Variants in CD274 observed in about 807,000 individuals in gnomAD.
The protein encoded by CD274 is programmed cell death 1 ligand 1.
CD274 carries 8 observed loss-of-function variants against 30.1 expected under a neutral mutation model. The observed-to-expected ratio is 0.27, with a 90% CI of 0.16 to 0.48. The LOEUF (loss-of-function observed/expected upper bound fraction) is 0.48, where lower values mean the gene tolerates loss of function less well. Ranked by LOEUF, CD274 falls within the 20% of genes least tolerant of loss-of-function variation. CD274 has a pLI of 0.99. For synonymous variants in CD274, 152 were observed against 124.6 expected (o/e 1.22, Z -1.46); for missense variants, 353 against 346.6 (o/e 1.02, Z -0.15).
chr9:5,465,070 G>A (rs1362471681), intron 4 of CD274, among the ~76,000 whole-genome samples: 3 of 139,418 alleles, frequency 2.2e-5, no homozygotes, highest in Admixed American at 7.7e-5. Flanking sequence ...CTGGGCAACA[G>A]AGAAAGACTC....
In CD274 at chr9:5,468,420, A is replaced by G. The variant is rs921600696; in HGVS notation, c.*558A>G. On this transcript the variant is annotated 3_prime_UTR_variant, in exon 7 of 7. Transcript: ENST00000381577. ...AGTAGATGTTACAATTTTGTCGCCAAACTAAACTTGCTGCTTAATGATTTG... is the reference window on the plus strand; with the variant it reads ...AGTAGATGTTACAATTTTGTCGCCAGACTAAACTTGCTGCTTAATGATTTG... 8.1e-5 allele frequency: 19 copies of G among 233,404 alleles called. No homozygotes were observed. The highest frequency in any genetic ancestry group is 1.3e-4 in the Non-Finnish European group (15 of 118,254). 14.5% of individuals were successfully genotyped at this position (233,404 alleles called of 1,614,324 possible).
At chr9:5,456,631 T>C (rs1411642705) in intron 2 of CD274, among the ~76,000 whole-genome samples, 1 of 152,194 alleles carries the variant, frequency 6.6e-6, no homozygotes, top group Admixed American at 6.5e-5. Flanking sequence ...CTGAACTCCA[T>C]ACCAATGTAC....
intron 1 of CD274, among the ~76,000 whole-genome samples, chr9:5,454,619 A>T (rs1227945822): frequency 1.6e-5 from 2 of 125,028 alleles, no homozygotes; most frequent in Non-Finnish European, 3.3e-5. Flanking sequence ...CTTCCTTTAC[A>T]TATACAGACA....
intron 1 of CD274, among the ~76,000 whole-genome samples, chr9:5,454,654 TG>T: frequency 6.6e-6 from 1 of 152,016 alleles, no homozygotes; most frequent in African/African-American, 2.4e-5. Flanking sequence ...TGTGTGTGTG[TG>T]TTTTTGTTTT....
At chr9:5,450,937 G>A (rs1819191747) in intron 1 of CD274, among the ~76,000 whole-genome samples, 1 of 152,204 alleles carries the variant, frequency 6.6e-6, no homozygotes, top group South Asian at 2.1e-4. Flanking sequence ...GTCTGGACAC[G>A]GGTCCAAGTC....
At chr9:5,466,874 A>C in intron 6 of CD274, 45 bp downstream of exon 6, 1 of 1,393,944 alleles carries the variant, frequency 7.2e-7, no homozygotes, top group Non-Finnish European at 1.0e-6. Flanking sequence ...CAAAGGAAAC[A>C]AAAAGCTAAA....
intron 3 of CD274, among the ~76,000 whole-genome samples, chr9:5,458,168 C>A (rs1390307539): frequency 6.6e-6 from 1 of 152,150 alleles, no homozygotes; most frequent in African/African-American, 2.4e-5. Flanking sequence ...CACTTGAGTT[C>A]AAAGTTTTGT....
At position 5,468,363 on chromosome 9, in the gene CD274, G is replaced by A. The variant is rs576213375; in HGVS notation, c.*501G>A. ...GAGGTCTTCTTGTCATGTGAGTGTG[G>A]TTGTGAATGATTTCTTTTGAAGATA... On this transcript the variant is annotated 3_prime_UTR_variant, in exon 7 of 7. Transcript: ENST00000381577. The A allele has an allele frequency of 5.9e-4, 140 of 235,544 alleles. No individual in the cohort carries two copies. Among genetic ancestry groups the A allele is most frequent in the Middle Eastern group, 3.8e-3 (3 of 790 alleles). The allele number at this position is 235,544 out of a possible 1,614,324, so 14.6% of individuals were successfully genotyped here.
chr9:5,454,146 A>G lies in CD274; in HGVS notation c.-14-1954A>G, dbSNP rs2131205548. ...TATCACTTGGTCTGCTAAACATTCT[A>G]CGGTTTGGTAAGGTGAAGTGATTCA... On this transcript the variant is annotated intron_variant, in intron 1 of 6. Coordinates refer to ENST00000381577, the MANE Select transcript of CD274 (RefSeq NM_014143.4). Among the ~76,000 whole-genome samples the G allele has an allele frequency of 1.3e-5, 2 of 152,272 alleles. 1 individual carries two copies. Among genetic ancestry groups the G allele is most frequent in the South Asian group, 4.1e-4 (2 of 4,822 alleles).
chr9:5,451,551 C>T (rs1326634279), intron 1 of CD274, among the ~76,000 whole-genome samples: 2 of 152,176 alleles, frequency 1.3e-5, no homozygotes, highest in African/African-American at 2.4e-5. Context: ...TATCAGTTGA[C>T]AATGACAGTC....
Position 5,459,739 on chromosome 9 carries a change from G to A in CD274, c.394+2319G>A, listed in dbSNP as rs142748245. ...CAATTAAAAGTGTTTTTCTTTAATC[G>A]CTGAACCTAACAGCAGGGAAAACGA... On this transcript the variant is annotated intron_variant, in intron 3 of 6. Coordinates refer to ENST00000381577, the MANE Select transcript of CD274 (RefSeq NM_014143.4). 2.4e-3 allele frequency among the ~76,000 whole-genome samples: 359 copies of A among 152,092 alleles called. 3 individuals carry two copies. Among genetic ancestry groups the A allele is most frequent in the African/African-American group, 8.2e-3 (339 of 41,490 alleles).
At chr9:5,458,777 A>G (rs934544069) in intron 3 of CD274, among the ~76,000 whole-genome samples, 4 of 152,166 alleles carry the variant, frequency 2.6e-5, no homozygotes, top group Admixed American at 2.6e-4. Context: ...ATATTTTACC[A>G]TATGCTTCTC....
At chr9:5,465,218 A>G (rs548768914) in intron 4 of CD274, among the ~76,000 whole-genome samples, 6 of 152,274 alleles carry the variant, frequency 3.9e-5, no homozygotes, top group African/African-American at 1.2e-4. Context: ...TAGCATTTGT[A>G]TTTTGTACAC....
At chr9:5,459,154 C>T (rs16923164) in intron 3 of CD274, among the ~76,000 whole-genome samples, 6,164 of 152,182 alleles carry the variant, frequency 0.041, 354 homozygotes, top group African/African-American at 0.13. Context: ...GGAAATCTTC[C>T]GGCACTGATG....
chr9:5,457,049 T>C lies in CD274; in HGVS notation c.53-30T>C, dbSNP rs79691992. On this transcript the variant is annotated intron_variant, in intron 2 of 6. Coordinates refer to ENST00000381577, the MANE Select transcript of CD274 (RefSeq NM_014143.4). ...GTAAATGTTTCGAGGAATTTTCCCT[T>C]TTCTGAAGATTGTCCTTCTTTCTTT... 0.015 allele frequency: 22,077 copies of C among 1,504,796 alleles called. 2,626 individuals carry two copies. In the African/African-American group the frequency reaches 0.26, roughly 18 times the overall value. The allele number at this position is 1,504,796 out of a possible 1,614,324, so 93.2% of individuals were successfully genotyped here.
In CD274 at chr9:5,470,543, T is replaced by C. The variant is rs1482548331; in HGVS notation, c.*2681T>C. 1.8e-4 allele frequency: 36 copies of C among 202,520 alleles called. No homozygotes were observed. Among genetic ancestry groups the C allele is most frequent in the Non-Finnish European group, 1.1e-4 (11 of 98,596 alleles). The allele number at this position is 202,520 out of a possible 1,614,324, so 12.5% of individuals were successfully genotyped here. A position where few individuals can be genotyped will look rare whatever the true frequency, so the allele number is the denominator to read the frequency against. ...ATTTTGTGTTTAATAAAATGTTCAGTTTAACATCCCAGTGGAGAAAGTTAC... is the reference window on the plus strand; with the variant it reads ...ATTTTGTGTTTAATAAAATGTTCAGCTTAACATCCCAGTGGAGAAAGTTAC... On this transcript the variant is annotated 3_prime_UTR_variant, in exon 7 of 7. Transcript: ENST00000381577.
chr9:5,467,527 GTCTAATTAA>G (rs1819517338), intron 6 of CD274, among the ~76,000 whole-genome samples: 1 of 152,168 alleles, frequency 6.6e-6, no homozygotes. Context: ...GTTTAAAGCA[GTCTAATTAA>G]CCTGGACAAG....
rs368099450 is a variant in CD274 at position 5,453,806 on chromosome 9, G to C, written c.-14-2294G>C. 2.0e-5 allele frequency among the ~76,000 whole-genome samples: 3 copies of C among 152,358 alleles called. No homozygotes were observed. In the East Asian group the frequency reaches 5.8e-4, roughly 29 times the overall value. On this transcript the variant is annotated intron_variant, in intron 1 of 6. Coordinates refer to ENST00000381577, the MANE Select transcript of CD274 (RefSeq NM_014143.4). ...ACTGGCACTGTTGACGTTTTAGGCT[G>C]TATGTCTTTGCTGTGGGAGGCTGGC... is the stretch of plus-strand genomic sequence containing the variant.
At chr9:5,466,288 G>A (rs1450505910) in intron 5 of CD274, among the ~76,000 whole-genome samples, 1 of 152,158 alleles carries the variant, frequency 6.6e-6, no homozygotes, top group Non-Finnish European at 1.5e-5. Flanking sequence ...ATGGGGGAAA[G>A]TAGTGTTAAC....
Sources: gnomAD v4.1 joint callset for allele counts (sites outside exome capture counted in the v4.1 genomes callset) on GRCh38, gnomAD v4.1.1 for gene constraint, MANE v1.5 for transcripts, NCBI Gene and HGNC (gene_info 2026-07-23, HGNC 2026-07-21) for gene names.